ATP1A4: variants seen among roughly 807,000 people sequenced by gnomAD.
The protein encoded by ATP1A4 is sodium/potassium-transporting ATPase subunit alpha-4.
ATP1A4 carries 90 observed loss-of-function variants against 114.3 expected under a neutral mutation model. The observed-to-expected ratio is 0.79, with a 90% CI of 0.66 to 0.94. The LOEUF is 0.94. Ranked by LOEUF, ATP1A4 falls within the 40% of genes least tolerant of loss-of-function variation. ATP1A4 has a pLI of 0.00. For missense variants in ATP1A4, 1,222 were observed against 1,313.6 expected (o/e 0.93, Z 1.08); for synonymous variants, 511 against 494.1 (o/e 1.03, Z -0.45).
intron 7 of ATP1A4, among the ~76,000 whole-genome samples, chr1:160,165,589 C>T (rs1652999807): frequency 6.6e-6 from 1 of 152,006 alleles, no homozygotes; most frequent in Non-Finnish European, 1.5e-5. Context: ...GAAACCCCGT[C>T]TCTACTAAAA....
chr1:160,153,073 T>C (rs1270384857), intron 1 of ATP1A4, 92 bp from the exon 2 acceptor site: 3 of 1,040,428 alleles, frequency 2.9e-6, no homozygotes, highest in Non-Finnish European at 4.5e-6. Flanking sequence ...CAGTCTCAGT[T>C]TGGACTAACA....
Position 160,151,942 on chromosome 1 carries a change from G to C in ATP1A4, c.-99G>C. On this transcript the variant is annotated 5_prime_UTR_variant, in exon 1 of 22. Transcript: ENST00000368081. The stretch of plus-strand genomic sequence containing the variant: ...ATTCTCTCCCCACCACTCTCTTCTC[G>C]TGGCCCCCTTGCCCGCGCGCCCTCT... 7.2e-7 allele frequency: 1 copy of C among 1,381,802 alleles called. No individual in the cohort carries two copies. The highest frequency in any genetic ancestry group is 9.7e-7 in the Non-Finnish European group (1 of 1,028,818). The allele number at this position is 1,381,802 out of a possible 1,614,324, so 85.6% of individuals were successfully genotyped here.
intron 3 of ATP1A4, 70 bp downstream of exon 3, chr1:160,155,318 C>A: frequency 7.6e-7 from 1 of 1,311,190 alleles, no homozygotes; most frequent in Non-Finnish European, 1.1e-6. Flanking sequence ...TGCTCAGCAG[C>A]CTAGCACTCC....
rs1653265055 is a variant in ATP1A4 at position 160,171,640 on chromosome 1, A to G, written c.1737A>G (p.Thr579=). The G allele has an allele frequency of 4.3e-6, 7 of 1,614,074 alleles. No homozygotes were observed. The highest frequency in any genetic ancestry group is 5.9e-6 in the Non-Finnish European group (7 of 1,180,044). The stretch of plus-strand genomic sequence containing the variant: ...TCTCCAAGGGATTCCCATTTAATAC[A>G]GATGAAATAAATTTCCCCATGGACA... The part of the protein sequence containing the change: ...SSFSKGFPFN[T]DEINFPMDNL... The change falls in exon 12 of 22, where the codon ACA becomes ACG. Residue 579 remains threonine (T), a synonymous_variant. Transcript: ENST00000368081.
intron 20 of ATP1A4, among the ~76,000 whole-genome samples, chr1:160,183,800 T>C (rs533974740): frequency 1.3e-4 from 20 of 152,356 alleles, no homozygotes; most frequent in Non-Finnish European, 2.5e-4. Context: ...TTTTTCTATA[T>C]TATAACTTCA....
chr1:160,156,782 C>CA (rs1571010950), intron 4 of ATP1A4, among the ~76,000 whole-genome samples: 1 of 151,906 alleles, frequency 6.6e-6, no homozygotes, highest in Non-Finnish European at 1.5e-5. Flanking sequence ...GACCCTGTCT[C>CA]AAAAAATAAT....
At position 160,158,797 on chromosome 1, in the gene ATP1A4, G is replaced by A. The variant is rs560967201; in HGVS notation, c.526-205G>A. ...TAGACTCCACCTCTTAATGGGAAGA[G>A]CGTCAAAGTCACATTGCAAAGGGCC... On this transcript the variant is annotated intron_variant, in intron 4 of 21. Coordinates refer to ENST00000368081, the MANE Select transcript of ATP1A4 (RefSeq NM_144699.4). Among the ~76,000 whole-genome samples the A allele has an allele frequency of 3.0e-3, 453 of 152,302 alleles. 3 individuals carry two copies. Among genetic ancestry groups the A allele is most frequent in the African/African-American group, 0.01 (436 of 41,554 alleles).
intron 7 of ATP1A4, among the ~76,000 whole-genome samples, chr1:160,166,309 C>G (rs1467938137): frequency 1.3e-5 from 2 of 152,164 alleles, no homozygotes; most frequent in African/African-American, 4.8e-5. Flanking sequence ...TTTAAATACA[C>G]TCTTTTTTGA....
intron 2 of ATP1A4, 94 bp downstream of exon 2, chr1:160,153,318 C>A: frequency 8.7e-7 from 1 of 1,155,838 alleles, no homozygotes; most frequent in Non-Finnish European, 1.3e-6. Context: ...AGCCCCCTAA[C>A]TTCAAGTCCA....
At chr1:160,176,299 C>A in intron 16 of ATP1A4, 53 bp downstream of exon 16, 1 of 1,608,622 alleles carries the variant, frequency 6.2e-7, no homozygotes, top group Non-Finnish European at 8.5e-7. Flanking sequence ...CTCCTAAGCT[C>A]CCTGCTTTCT....
In ATP1A4 at chr1:160,171,262, C is replaced by T; in HGVS notation, c.1503C>T (p.His501=). The change falls in exon 11 of 22, where the codon CAC becomes CAT. Residue 501 remains histidine (H), a synonymous_variant. Transcript: ENST00000368081. ...NSTNKYQMSI[H]LREDSSQTHV... Reference sequence around the variant, plus strand: ...TTTGCTCTCCCTAGATGTCCATCCACCTTCGGGAGGACAGCTCCCAGACCC... The same window carrying T: ...TTTGCTCTCCCTAGATGTCCATCCATCTTCGGGAGGACAGCTCCCAGACCC... 6.2e-7 allele frequency: 1 copy of T among 1,613,656 alleles called. No individual in the cohort carries two copies. The highest frequency in any genetic ancestry group is 8.5e-7 in the Non-Finnish European group (1 of 1,179,678).
At chr1:160,186,166 C>CACACAGT in intron 20 of ATP1A4, 110 bp from the exon 21 acceptor site, 2 of 773,102 alleles carry the variant, frequency 2.6e-6, no homozygotes, top group South Asian at 1.3e-5. Context: ...CAGTCCCACG[C>CACACAGT]ACACAGTAGA....
chr1:160,155,094 A>C lies in ATP1A4; in HGVS notation c.257A>C (p.Asn86Thr). 1 of 1,614,018 alleles carries C rather than the reference A, an allele frequency of 6.2e-7. No homozygotes were observed. The highest frequency in any genetic ancestry group is 2.2e-5 in the East Asian group (1 of 44,880). Residue 86 changes from asparagine to threonine, a missense_variant, in exon 3 of 22, where the codon AAT becomes ACT. By Grantham distance (65) the Asn-to-Thr change is moderately conservative. Coordinates refer to ENST00000368081, the MANE Select transcript of ATP1A4 (RefSeq NM_144699.4). Reference protein sequence around the residue: ...AKEILTRGGPNTVTPPPTTPE... With the variant: ...AKEILTRGGPTTVTPPPTTPE... Reference sequence around the variant, plus strand: ...GAAATCCTGACTCGAGGTGGACCCAATACTGTTACCCCACCCCCCACCACT... The same window carrying C: ...GAAATCCTGACTCGAGGTGGACCCACTACTGTTACCCCACCCCCCACCACT...
chr1:160,154,432 T>G (rs1652562985), intron 2 of ATP1A4, among the ~76,000 whole-genome samples: 1 of 152,190 alleles, frequency 6.6e-6, no homozygotes, highest in South Asian at 2.1e-4. Context: ...TATTCTGATA[T>G]AAGCATACAA....
intron 10 of ATP1A4, 107 bp from the exon 11 acceptor site, chr1:160,171,144 T>C: frequency 2.9e-6 from 3 of 1,017,402 alleles, no homozygotes; most frequent in Non-Finnish European, 1.4e-6. Context: ...ACAAAAGAAA[T>C]GGGGGTATGA....
intron 6 of ATP1A4, 101 bp from the exon 7 acceptor site, chr1:160,164,055 G>T: frequency 1.4e-6 from 2 of 1,446,762 alleles, no homozygotes; most frequent in East Asian, 2.3e-5. Context: ...TATCTTTAAG[G>T]GTTTTTAGAA....
intron 18 of ATP1A4, among the ~76,000 whole-genome samples, chr1:160,181,444 A>C (rs1262405457): frequency 6.6e-6 from 1 of 151,760 alleles, no homozygotes; most frequent in Non-Finnish European, 1.5e-5. Context: ...AGTCCCAGCT[A>C]CTCGGGAGGC....
intron 3 of ATP1A4, 90 bp downstream of exon 3, chr1:160,155,338 C>G (rs1353820876): frequency 1.2e-5 from 11 of 926,036 alleles, no homozygotes; most frequent in Non-Finnish European, 1.7e-6. Context: ...CTGAAGTCCT[C>G]TGGCCCAAAT....
At position 160,164,070 on chromosome 1, in the gene ATP1A4, T is replaced by C. The variant is rs1044494115; in HGVS notation, c.779-86T>C. ...TATCTTTAAGGGTTTTTAGAAGCTC[T>C]ATGTCAGGAAGTGGGGGCAGAGACC... is the stretch of plus-strand genomic sequence containing the variant. On this transcript the variant is annotated intron_variant, in intron 6 of 21. Transcript: ENST00000368081. The C allele has an allele frequency of 3.3e-6, 5 of 1,512,154 alleles. No individual in the cohort carries two copies. In the African/African-American group the frequency reaches 6.9e-5, roughly 21 times the overall value. The allele number at this position is 1,512,154 out of a possible 1,614,324, so 93.7% of individuals were successfully genotyped here. A position where few individuals can be genotyped will look rare whatever the true frequency, so the allele number is the denominator to read the frequency against.
Sources: gnomAD v4.1 joint callset for allele counts (sites outside exome capture counted in the v4.1 genomes callset) on GRCh38, gnomAD v4.1.1 for gene constraint, MANE v1.5 for transcripts, NCBI Gene and HGNC (gene_info 2026-07-23, HGNC 2026-07-21) for gene names.